Variants in PKIB observed in about 807,000 individuals in gnomAD.
The protein encoded by PKIB is cAMP-dependent protein kinase inhibitor beta, also known as PKI-beta.
In PKIB, 2 loss-of-function variants were observed where a neutral mutation model predicts 4.5. That is an observed-to-expected ratio of 0.44 (90% CI 0.18 to 1.39). The LOEUF (loss-of-function observed/expected upper bound fraction) is 1.39, where lower values mean the gene tolerates loss of function less well. Ranked by LOEUF, PKIB falls within the 40% of genes most tolerant of loss-of-function variation. PKIB has a pLI of 0.27. For synonymous variants in PKIB, 38 were observed against 36.0 expected, an observed-to-expected ratio of 1.06 and a Z score of -0.20; for missense variants, 94 against 92.6, an observed-to-expected ratio of 1.02 and a Z score of -0.06.
intron 2 of PKIB, among the ~76,000 whole-genome samples, chr6:122,635,238 G>A (rs1224269144): frequency 6.6e-6 from 1 of 152,102 alleles, no homozygotes; most frequent in Non-Finnish European, 1.5e-5. Flanking sequence ...GGAAGGCATG[G>A]TTATTTCCTG....
chr6:122,605,859 T>C (rs1054154546), upstream of PKIB, among the ~76,000 whole-genome samples: 1 of 152,214 alleles, frequency 6.6e-6, no homozygotes, highest in Non-Finnish European at 1.5e-5. Flanking sequence ...GTTTGAAAGC[T>C]TTAGAAACAT....
At chr6:122,702,725 G>T (rs1470197583) in intron 3 of PKIB, among the ~76,000 whole-genome samples, 1 of 152,014 alleles carries the variant, frequency 6.6e-6, no homozygotes, top group African/African-American at 2.4e-5. Flanking sequence ...TAAACAATGG[G>T]ATCAGAGTAT....
At chr6:122,473,177 T>C (rs1775355892) in intron 1 of PKIB, among the ~76,000 whole-genome samples, 2 of 152,202 alleles carry the variant, frequency 1.3e-5, no homozygotes, top group Admixed American at 1.3e-4. Flanking sequence ...CTAAACTTAA[T>C]ACGTTATTTA....
At chr6:122,568,312 T>C (rs1203245041) in intron 2 of PKIB, among the ~76,000 whole-genome samples, 3 of 152,102 alleles carry the variant, frequency 2.0e-5, no homozygotes, top group Admixed American at 6.6e-5. Flanking sequence ...GAATTTACCA[T>C]AAAATCTGAA....
chr6:122,573,521 C>CAAAAAAAAAAA (rs61014475), intron 2 of PKIB, among the ~76,000 whole-genome samples: 3 of 87,564 alleles, frequency 3.4e-5, no homozygotes, highest in Admixed American at 1.3e-4. Context: ...GACTCTGTCT[C>CAAAAAAAAAAA]AAAAAAAAAA....
intron 2 of PKIB, among the ~76,000 whole-genome samples, chr6:122,672,533 C>T (rs1777507996): frequency 6.6e-6 from 1 of 152,014 alleles, no homozygotes. Context: ...TCTTAGCTTC[C>T]ATGTATATCA....
intron 1 of PKIB, among the ~76,000 whole-genome samples, chr6:122,627,599 CT>C (rs909904658): frequency 1.3e-5 from 2 of 152,158 alleles, no homozygotes; most frequent in Non-Finnish European, 2.9e-5. Flanking sequence ...GTATCTGACT[CT>C]TTTTTCTCCC....
intron 3 of PKIB, among the ~76,000 whole-genome samples, chr6:122,710,304 C>T (rs1412334626): frequency 6.6e-6 from 1 of 152,130 alleles, no homozygotes; most frequent in Non-Finnish European, 1.5e-5. Flanking sequence ...TTAGGCCTTG[C>T]ATGTAAACCC....
chr6:122,530,455 T>C (rs1487997939), intron 2 of PKIB, among the ~76,000 whole-genome samples: 1 of 152,090 alleles, frequency 6.6e-6, no homozygotes, highest in Non-Finnish European at 1.5e-5. Flanking sequence ...GTTTCTGGAG[T>C]TTGTTCCTTT....
chr6:122,516,428 ATG>A (rs1318719679), intron 2 of PKIB, among the ~76,000 whole-genome samples: 45 of 152,172 alleles, frequency 3.0e-4, no homozygotes, highest in African/African-American at 1.1e-3. Flanking sequence ...GTGATCACTA[ATG>A]CTCAGTCACT....
chr6:122,493,634 C>G (rs1006991068), intron 2 of PKIB, among the ~76,000 whole-genome samples: 1 of 152,082 alleles, frequency 6.6e-6, no homozygotes, highest in Admixed American at 6.5e-5. Flanking sequence ...TAAGTAGTAC[C>G]TCTTGTCTGA....
intron 2 of PKIB, among the ~76,000 whole-genome samples, chr6:122,670,350 C>T (rs1004263010): frequency 2.0e-5 from 3 of 152,144 alleles, no homozygotes; most frequent in Admixed American, 2.0e-4. Flanking sequence ...TCCCTACACT[C>T]GTCTTCCTCC....
intron 2 of PKIB, chr6:122,480,603 G>C (rs1204789224): frequency 6.6e-6 from 1 of 152,094 alleles, no homozygotes; most frequent in East Asian, 1.9e-4. Flanking sequence ...CTGGAAAAAT[G>C]TCATGTTCTA....
intron 2 of PKIB, among the ~76,000 whole-genome samples, chr6:122,548,756 AT>A (rs1391018421): frequency 6.6e-6 from 1 of 152,230 alleles, no homozygotes; most frequent in East Asian, 1.9e-4. Context: ...TAATAATAGC[AT>A]TTTGGGAATT....
chr6:122,691,659 G>GTCACATATCTCTTT (rs1778361009), intron 3 of PKIB, among the ~76,000 whole-genome samples: 1 of 151,970 alleles, frequency 6.6e-6, no homozygotes, highest in Non-Finnish European at 1.5e-5. Flanking sequence ...TGTCTGAAAG[G>GTCACATATCTCTTT]TCACATATCT....
chr6:122,519,774 G>A (rs1182646385), intron 2 of PKIB, among the ~76,000 whole-genome samples: 5 of 152,150 alleles, frequency 3.3e-5, no homozygotes, highest in Non-Finnish European at 7.4e-5. Flanking sequence ...TGGAGTGACA[G>A]CATAATAAAT....
At chr6:122,544,733 C>A (rs544326918) in intron 2 of PKIB, among the ~76,000 whole-genome samples, 6 of 152,042 alleles carry the variant, frequency 3.9e-5, no homozygotes, top group Admixed American at 3.9e-4. Context: ...AAAATATTTG[C>A]AAACTATGTA....
At chr6:122,636,993 ATTAG>A (rs1174507469) in intron 2 of PKIB, among the ~76,000 whole-genome samples, 8 of 152,224 alleles carry the variant, frequency 5.3e-5, no homozygotes, top group Non-Finnish European at 1.0e-4. Flanking sequence ...AACAACAATA[ATTAG>A]TTAATGTTAG....
chr6:122,660,880 T>C (rs1033141402), intron 2 of PKIB, among the ~76,000 whole-genome samples: 2 of 152,176 alleles, frequency 1.3e-5, no homozygotes, highest in African/African-American at 2.4e-5. Context: ...CAAGACCCAC[T>C]CATTTAATAA....
Sources: allele counts gnomAD v4.1 joint callset (sites outside exome capture counted in the v4.1 genomes callset), GRCh38; gene constraint gnomAD v4.1.1; transcripts MANE v1.5; gene names NCBI Gene and HGNC (gene_info 2026-07-23, HGNC 2026-07-21).